Variants in AGAP3 observed in about 807,000 individuals in gnomAD.
AGAP3 encodes ArfGAP with GTPase domain, ankyrin repeat and PH domain 3.
A neutral mutation model predicts 96.9 loss-of-function variants in AGAP3; 24 were observed. The observed-to-expected ratio is 0.25, with a 90% CI of 0.18 to 0.35. The LOEUF (loss-of-function observed/expected upper bound fraction) is 0.35, where lower values mean the gene tolerates loss of function less well. Ranked by LOEUF, AGAP3 falls within the 10% of genes least tolerant of loss-of-function variation. The pLI is 1.00. For synonymous variants in AGAP3, 563 were observed against 536.1 expected, an observed-to-expected ratio of 1.05 and a Z score of -0.69; for missense variants, 876 against 1,254.2, an observed-to-expected ratio of 0.70 and a Z score of 4.55.
At position 151,095,701 on chromosome 7, in the gene AGAP3, CAAAAAAAAA is replaced by C. The variant is rs35926416; in HGVS notation, c.331+8647_331+8655del. On this transcript the variant is annotated intron_variant, in intron 1 of 17. Coordinates refer to ENST00000397238, the MANE Select transcript of AGAP3 (RefSeq NM_031946.7). Reference sequence around the variant, plus strand: ...AATGTCTTGTCCAATCACAGTTGTACAAAAAAAAAAAAAAAAAAAAAAAAAAGATACCAG... The same window carrying C: ...AATGTCTTGTCCAATCACAGTTGTACAAAAAAAAAAAAAAAAAGATACCAG... Among the ~76,000 whole-genome samples the C allele has an allele frequency of 4.2e-4, 35 of 83,020 alleles. 1 individual carries two copies. Among genetic ancestry groups the C allele is most frequent in the African/African-American group, 9.7e-4 (20 of 20,612 alleles). The allele number at this position is 83,020 out of a possible 152,430, so 54.5% of individuals were successfully genotyped here.
At chr7:151,115,174 TG>T in intron 1 of AGAP3, 1 of 1,015,378 alleles carries the variant, frequency 9.8e-7, no homozygotes, top group South Asian at 4.0e-5. Flanking sequence ...GTGAACCGCC[TG>T]GAGCTGGCGG....
chr7:151,142,320 AGCAGGGAAGAGG>A lies in AGAP3; in HGVS notation c.2050+77_2051-71del. The A allele has an allele frequency of 1.9e-6, 3 of 1,599,628 alleles. No individual in the cohort carries two copies. The highest frequency in any genetic ancestry group is 1.7e-4 in the Middle Eastern group (1 of 5,988). On this transcript the variant is annotated intron_variant, in intron 15 of 17. Coordinates refer to ENST00000397238, the MANE Select transcript of AGAP3 (RefSeq NM_031946.7). The surrounding 1 kb of genome is among the most constrained non-coding windows in gnomAD (Gnocchi z 7.5). ...AGGGAAAGCTTCGCAAGCATCAGGG[AGCAGGGAAGAGG>A]GCAGGGAAGCCTTCCCTAGTTGTCC...
Position 151,144,063 on chromosome 7 carries a change from C to T in AGAP3, c.*120C>T, listed in dbSNP as rs1800928938. On this transcript the variant is annotated 3_prime_UTR_variant, in exon 18 of 18. Transcript: ENST00000397238. ...GCAGGGACATGCTGAGAGGACGAAG[C>T]CAAGGAAATTAGGGAGGAGAGTCAA... The T allele has an allele frequency of 8.2e-6, 9 of 1,099,368 alleles. No individual in the cohort carries two copies. The South Asian group carries it at 1.4e-4, about 17-fold the overall frequency. 68.1% of individuals were successfully genotyped at this position (1,099,368 alleles called of 1,614,324 possible).
chr7:151,131,459 G>A (rs1800398425), intron 10 of AGAP3, among the ~76,000 whole-genome samples: 1 of 152,164 alleles, frequency 6.6e-6, no homozygotes, highest in Admixed American at 6.5e-5. Flanking sequence ...GGGTAATAAA[G>A]GCAGCCGTGG....
intron 9 of AGAP3, chr7:151,128,330 A>C: frequency 6.2e-6 from 3 of 484,178 alleles, no homozygotes; most frequent in East Asian, 3.7e-5. Context: ...TGGGGAGGGA[A>C]GACGCCCACC....
At chr7:151,105,439 A>C (rs1327620094) in intron 1 of AGAP3, among the ~76,000 whole-genome samples, 1 of 152,064 alleles carries the variant, frequency 6.6e-6, no homozygotes, top group Non-Finnish European at 1.5e-5. Context: ...GTTACATACA[A>C]ATTTGTATCT....
At chr7:151,117,509 C>T (rs1315376395) in intron 4 of AGAP3, 53 bp downstream of exon 4, 35 of 1,613,374 alleles carry the variant, frequency 2.2e-5, no homozygotes, top group African/African-American at 5.3e-5. Flanking sequence ...AGCCCTTTCT[C>T]GAGCTTGCTG....
Position 151,118,758 on chromosome 7 carries a change from A to G in AGAP3, c.969+126A>G, listed in dbSNP as rs913358536. Reference sequence around the variant, plus strand: ...CCTTCCTCTGGCCTCCCAGCCTTGCATGTTGCTTGGAAACATTGGTTGGAA... The same window carrying G: ...CCTTCCTCTGGCCTCCCAGCCTTGCGTGTTGCTTGGAAACATTGGTTGGAA... On this transcript the variant is annotated intron_variant, in intron 7 of 17. Transcript: ENST00000397238. This position sits in a 1 kb window ranked among gnomAD's most constrained non-coding sequence, Gnocchi z 6.1. 3 of 1,318,222 alleles carry G rather than the reference A, an allele frequency of 2.3e-6. No individual in the cohort carries two copies. The highest frequency in any genetic ancestry group is 2.9e-5 in the African/African-American group (2 of 68,894). 81.7% of individuals were successfully genotyped at this position (1,318,222 alleles called of 1,614,324 possible).
At chr7:151,097,801 G>A (rs1199190523) in intron 1 of AGAP3, among the ~76,000 whole-genome samples, 1 of 152,074 alleles carries the variant, frequency 6.6e-6, no homozygotes, top group African/African-American at 2.4e-5. Context: ...TAACACTGGG[G>A]ATCACATTTC....
chr7:151,142,761 G>A lies in AGAP3; in HGVS notation c.2273+127G>A. 2.8e-6 allele frequency: 3 copies of A among 1,082,888 alleles called. No homozygotes were observed. The highest frequency in any genetic ancestry group is 3.9e-6 in the Non-Finnish European group (3 of 764,896). 67.1% of individuals were successfully genotyped at this position (1,082,888 alleles called of 1,614,324 possible). A position where few individuals can be genotyped will look rare whatever the true frequency, so the allele number is the denominator to read the frequency against. ...AAACTGTCTGTTGCTCTGCTTGGCA[G>A]TTGGCCCCTTGGGGGTGCCCCTCCT... On this transcript the variant is annotated intron_variant, in intron 16 of 17. Coordinates refer to ENST00000397238, the MANE Select transcript of AGAP3 (RefSeq NM_031946.7). This position sits in a 1 kb window ranked among gnomAD's most constrained non-coding sequence, Gnocchi z 7.5.
Position 151,143,216 on chromosome 7 carries a change from ATCT to A in AGAP3, c.2274-121_2274-119del. 1 of 1,219,766 alleles carries A rather than the reference ATCT, an allele frequency of 8.2e-7. No homozygotes were observed. The highest frequency in any genetic ancestry group is 1.1e-6 in the Non-Finnish European group (1 of 886,194). The allele number at this position is 1,219,766 out of a possible 1,614,324, so 75.6% of individuals were successfully genotyped here. On this transcript the variant is annotated intron_variant, in intron 16 of 17. Transcript: ENST00000397238. The surrounding 1 kb of genome is among the most constrained non-coding windows in gnomAD (Gnocchi z 5.9). The stretch of plus-strand genomic sequence containing the variant: ...CTCTCCTTCCTTTTTGCTCCATCTC[ATCT>A]TCTCTCACTGTTTCTTCCTTGTTCC...
intron 1 of AGAP3, among the ~76,000 whole-genome samples, chr7:151,098,617 C>T (rs1336666025): frequency 6.6e-6 from 1 of 152,178 alleles, no homozygotes; most frequent in Non-Finnish European, 1.5e-5. Flanking sequence ...CACCACTACA[C>T]TCCAGCCTGG....
In AGAP3 at chr7:151,140,725, C is replaced by T. The variant is rs911106109; in HGVS notation, c.1804+609C>T. 3 of 152,138 alleles carry T rather than the reference C, an allele frequency of 2.0e-5. No homozygotes were observed. Among genetic ancestry groups the T allele is most frequent in the Non-Finnish European group, 4.4e-5 (3 of 68,036 alleles). The allele number at this position is 152,138 out of a possible 1,614,324, so 9.4% of individuals were successfully genotyped here. A position where few individuals can be genotyped will look rare whatever the true frequency, so the allele number is the denominator to read the frequency against. On this transcript the variant is annotated intron_variant, in intron 13 of 17. Coordinates refer to ENST00000397238, the MANE Select transcript of AGAP3 (RefSeq NM_031946.7). The surrounding 1 kb of genome is among the most constrained non-coding windows in gnomAD (Gnocchi z 5.4). ...CTTCTGCTCTAATCATCAGGGTAGA[C>T]GTATGGGTCAGGGGAGCAGAGACAC...
chr7:151,114,552 T>G lies in AGAP3; in HGVS notation c.332-2241T>G. Reference sequence around the variant, plus strand: ...CGCGCCGCGCCGCCGTTCCCGGGCGTTCCAGGCCAGACTTGCCGCCTCTCT... The same window carrying G: ...CGCGCCGCGCCGCCGTTCCCGGGCGGTCCAGGCCAGACTTGCCGCCTCTCT... On this transcript the variant is annotated intron_variant, in intron 1 of 17. Transcript: ENST00000397238. The surrounding 1 kb of genome is among the most constrained non-coding windows in gnomAD (Gnocchi z 4.4). 7.3e-6 allele frequency: 2 copies of G among 273,812 alleles called. No individual in the cohort carries two copies. Among genetic ancestry groups the G allele is most frequent in the Non-Finnish European group, 1.1e-5 (2 of 178,900 alleles). 17.0% of individuals were successfully genotyped at this position (273,812 alleles called of 1,614,324 possible). A position where few individuals can be genotyped will look rare whatever the true frequency, so the allele number is the denominator to read the frequency against.
chr7:151,141,688 A>T lies in AGAP3; in HGVS notation c.1805-210A>T, dbSNP rs1451989772. ...CACTTAAGCTCCACAGGTGGTTAGG[A>T]ATGAGAACTGGGAGCTCACACTAGT... On this transcript the variant is annotated intron_variant, in intron 13 of 17. Transcript: ENST00000397238. The surrounding 1 kb of genome is among the most constrained non-coding windows in gnomAD (Gnocchi z 4.2). The T allele has an allele frequency of 1.5e-5, 9 of 599,504 alleles. No homozygotes were observed. The highest frequency in any genetic ancestry group is 2.7e-5 in the Non-Finnish European group (9 of 337,816). The allele number at this position is 599,504 out of a possible 1,614,324, so 37.1% of individuals were successfully genotyped here. A position where few individuals can be genotyped will look rare whatever the true frequency, so the allele number is the denominator to read the frequency against.
chr7:151,126,498 A>C (rs1800184430), intron 9 of AGAP3, among the ~76,000 whole-genome samples: 1 of 118,590 alleles, frequency 8.4e-6, no homozygotes, highest in Non-Finnish European at 1.7e-5. Context: ...GGGAGTCGGG[A>C]CGGGGGCGGG....
chr7:151,101,773 G>T (rs552191877), intron 1 of AGAP3, among the ~76,000 whole-genome samples: 1 of 152,208 alleles, frequency 6.6e-6, no homozygotes, highest in South Asian at 2.1e-4. Context: ...CCAGTTCAAC[G>T]GGGCAGGAAG....
At chr7:151,104,211 T>C (rs953633091) in intron 1 of AGAP3, among the ~76,000 whole-genome samples, 2 of 152,216 alleles carry the variant, frequency 1.3e-5, no homozygotes, top group African/African-American at 2.4e-5. Context: ...CCCGACAATC[T>C]TTCTGTAAGT....
In AGAP3 at chr7:151,087,318, G is replaced by GC. The variant is rs1277015412; in HGVS notation, c.331+247dup. ...TGTTCCAGGGCGCGAAGGTGGTGTC[G>GC]CTTGGGGGGGCCGGGACCAGATCTG... is the stretch of plus-strand genomic sequence containing the variant. On this transcript the variant is annotated intron_variant, in intron 1 of 17. Coordinates refer to ENST00000397238, the MANE Select transcript of AGAP3 (RefSeq NM_031946.7). 57 of 547,224 alleles carry GC rather than the reference G, an allele frequency of 1.0e-4. 2 individuals carry two copies. In the East Asian group the frequency reaches 1.6e-3, roughly 16 times the overall value. 33.9% of individuals were successfully genotyped at this position (547,224 alleles called of 1,614,324 possible).
Sources: gnomAD v4.1 joint callset for allele counts (sites outside exome capture counted in the v4.1 genomes callset) on GRCh38, gnomAD v4.1.1 for gene constraint, Gnocchi (gnomAD v3.1) non-coding constraint, MANE v1.5 for transcripts, NCBI Gene and HGNC (gene_info 2026-07-23, HGNC 2026-07-21) for gene names.